Variants in PCDH10 observed in about 807,000 individuals in gnomAD.
The protein encoded by PCDH10 is protocadherin 10.
In PCDH10, 15 loss-of-function variants were observed where a neutral mutation model predicts 74.4. The observed-to-expected ratio is 0.20, with a 90% CI of 0.13 to 0.31. The LOEUF (loss-of-function observed/expected upper bound fraction) is 0.31, where lower values mean the gene tolerates loss of function less well. Among genes scored for constraint, PCDH10 ranks in the 10% least tolerant of loss-of-function variants. PCDH10 has a pLI of 1.00. For synonymous variants in PCDH10, 619 were observed against 589.8 expected, an observed-to-expected ratio of 1.05 and a Z score of -0.72; for missense variants, 1,260 against 1,390.2, an observed-to-expected ratio of 0.91 and a Z score of 1.49.
chr4:133,162,508 G>T (rs1323946886), intron 3 of PCDH10, among the ~76,000 whole-genome samples: 3 of 151,932 alleles, frequency 2.0e-5, no homozygotes, highest in African/African-American at 7.3e-5. Context: ...ATCATTTTTG[G>T]TGCTTGGCAT....
rs190905854 is a variant in PCDH10 at position 133,194,644 on chromosome 4, G to A, written c.*4484G>A. 5 of 151,906 alleles carry A rather than the reference G, an allele frequency of 3.3e-5. No homozygotes were observed. Among genetic ancestry groups the A allele is most frequent in the East Asian group, 3.9e-4 (2 of 5,172 alleles). The allele number at this position is 151,906 out of a possible 1,614,324, so 9.4% of individuals were successfully genotyped here. A position where few individuals can be genotyped will look rare whatever the true frequency, so the allele number is the denominator to read the frequency against. ...TTCCATGCATGGATCTTCCACTGAC[G>A]CCTGTGGGAGCTTTGAATAAAAATC... On this transcript the variant is annotated 3_prime_UTR_variant, in exon 5 of 5. Coordinates refer to ENST00000264360, the MANE Select transcript of PCDH10 (RefSeq NM_032961.3).
intron 2 of PCDH10, among the ~76,000 whole-genome samples, chr4:133,199,784 T>C (rs531468658): frequency 0.025 from 3,547 of 141,686 alleles, 147 homozygotes; most frequent in African/African-American, 0.082. Context: ...ATTATTATTA[T>C]TACTATTATT....
chr4:133,155,948 G>A (rs1247267688), intron 3 of PCDH10, among the ~76,000 whole-genome samples: 1 of 152,068 alleles, frequency 6.6e-6, no homozygotes, highest in East Asian at 1.9e-4. Context: ...TTTCTATCTA[G>A]TTTTGTGTTT....
chr4:133,171,723 T>C (rs1727207202), intron 4 of PCDH10, among the ~76,000 whole-genome samples: 1 of 152,164 alleles, frequency 6.6e-6, no homozygotes, highest in African/African-American at 2.4e-5. Context: ...AGACATTGTA[T>C]ACTTAGAAAA....
chr4:133,176,098 C>A (rs1481136262), intron 4 of PCDH10, among the ~76,000 whole-genome samples: 2 of 152,086 alleles, frequency 1.3e-5, no homozygotes, highest in Non-Finnish European at 2.9e-5. Context: ...TTTATTATAA[C>A]TTGTCATTTT....
chr4:133,165,952 C>G (rs1053983415), intron 4 of PCDH10, among the ~76,000 whole-genome samples: 1 of 151,650 alleles, frequency 6.6e-6, no homozygotes, highest in Non-Finnish European at 1.5e-5. Context: ...TATGCTTACA[C>G]TTACATTTCT....
chr4:133,151,795 A>G lies in PCDH10; in HGVS notation c.1655A>G (p.Gln552Arg). The G allele has an allele frequency of 1.2e-6, 2 of 1,613,106 alleles. No individual in the cohort carries two copies. Among genetic ancestry groups the G allele is most frequent in the Non-Finnish European group, 1.7e-6 (2 of 1,180,046 alleles). Residue 552 changes from glutamine to arginine, a missense_variant, in exon 1 of 5, where the codon CAG (glutamine) becomes CGG (arginine). By Grantham distance (43) the Gln-to-Arg change is conservative. Around this residue, in one of 11 missense-constraint regions of PCDH10, gnomAD observed 587 missense variants for 616.9 expected, o/e 0.95. Coordinates refer to ENST00000264360, the MANE Select transcript of PCDH10 (RefSeq NM_032961.3). ...QVEARDAGSP[Q>R]ALAGNATVNI... is the part of the protein sequence containing the mutation. Reference sequence around the variant, plus strand: ...GAAGCCCGGGACGCTGGCAGCCCCCAGGCGCTGGCTGGTAACGCCACTGTC... The same window carrying G: ...GAAGCCCGGGACGCTGGCAGCCCCCGGGCGCTGGCTGGTAACGCCACTGTC...
At position 133,152,353 on chromosome 4, in the gene PCDH10, T is replaced by C. The variant is rs767385531; in HGVS notation, c.2213T>C (p.Val738Ala). ...IFLLAMIVLA[V>A]RCQKEKKLNI... ...CTGCTGGCCATGATCGTGCTGGCCGTGCGTTGCCAAAAAGAGAAGAAGCTC... is the reference window on the plus strand; with the variant it reads ...CTGCTGGCCATGATCGTGCTGGCCGCGCGTTGCCAAAAAGAGAAGAAGCTC... The change falls in exon 1 of 5, where the codon GTG (valine) becomes GCG (alanine). Residue 738 changes from valine to alanine, a missense_variant. Coordinates refer to ENST00000264360, the MANE Select transcript of PCDH10 (RefSeq NM_032961.3). 1 of 1,614,214 alleles carries C rather than the reference T, an allele frequency of 6.2e-7. No individual in the cohort carries two copies. Among genetic ancestry groups the C allele is most frequent in the South Asian group, 1.1e-5 (1 of 91,090 alleles).
chr4:133,157,284 T>C (rs972708225), intron 3 of PCDH10, among the ~76,000 whole-genome samples: 1 of 152,190 alleles, frequency 6.6e-6, no homozygotes, highest in African/African-American at 2.4e-5. Flanking sequence ...TTTTCTTTTT[T>C]AAGTATAAAA....
intron 3 of PCDH10, among the ~76,000 whole-genome samples, chr4:133,158,895 T>C (rs1726913732): frequency 6.6e-6 from 1 of 152,052 alleles, no homozygotes; most frequent in Non-Finnish European, 1.5e-5. Flanking sequence ...GAGGAAATGG[T>C]GAAAAATATA....
Position 133,193,504 on chromosome 4 carries a change from A to G in PCDH10, c.*3344A>G, listed in dbSNP as rs1186705760. On this transcript the variant is annotated 3_prime_UTR_variant, in exon 5 of 5. Coordinates refer to ENST00000264360, the MANE Select transcript of PCDH10 (RefSeq NM_032961.3). ...TAAGAGGAGGAAAAAGAATCTCACA[A>G]TTCCCAATATAATCTTTAACAACTG... 1.3e-5 allele frequency: 2 copies of G among 151,672 alleles called. No individual in the cohort carries two copies. The highest frequency in any genetic ancestry group is 4.8e-5 in the African/African-American group (2 of 41,426). 9.4% of individuals were successfully genotyped at this position (151,672 alleles called of 1,614,324 possible).
intron 4 of PCDH10, among the ~76,000 whole-genome samples, chr4:133,169,032 A>AT (rs1256279026): frequency 2.6e-5 from 4 of 151,620 alleles, no homozygotes; most frequent in African/African-American, 4.8e-5. Flanking sequence ...GAGATGTTAA[A>AT]TTTCTTTTGA....
chr4:133,183,158 CTTCA>C (rs937992772), intron 4 of PCDH10, among the ~76,000 whole-genome samples: 6 of 152,106 alleles, frequency 3.9e-5, no homozygotes, highest in South Asian at 2.1e-4. Flanking sequence ...TGAAAGCACT[CTTCA>C]TTCATATAAT....
In PCDH10 at chr4:133,161,477, C is replaced by T. The variant is rs116834232; in HGVS notation, c.2798-1500C>T. On this transcript the variant is annotated intron_variant, in intron 3 of 4. Transcript: ENST00000264360. The stretch of plus-strand genomic sequence containing the variant: ...TATTTTATTTTATATATGCAGATAA[C>T]ATATACACAAATATATATAAATCAA... 4.0e-3 allele frequency among the ~76,000 whole-genome samples: 612 copies of T among 151,812 alleles called. 3 individuals are homozygous for T. The highest frequency in any genetic ancestry group is 0.014 in the African/African-American group (572 of 41,456).
chr4:133,154,743 C>A (rs975048779), intron 2 of PCDH10, 174 bp from the exon 3 acceptor site: 8 of 581,674 alleles, frequency 1.4e-5, no homozygotes, highest in African/African-American at 9.3e-5. Flanking sequence ...GACTGTTAAT[C>A]GATCATTTTT....
rs1422020518 is a variant in PCDH10 at position 133,191,300 on chromosome 4, G to A, written c.*1140G>A. 5.9e-5 allele frequency: 9 copies of A among 151,986 alleles called. No individual in the cohort carries two copies. The Admixed American group carries it at 5.9e-4, about 10-fold the overall frequency. 9.4% of individuals were successfully genotyped at this position (151,986 alleles called of 1,614,324 possible). A position where few individuals can be genotyped will look rare whatever the true frequency, so the allele number is the denominator to read the frequency against. On this transcript the variant is annotated 3_prime_UTR_variant, in exon 5 of 5. Transcript: ENST00000264360. The stretch of plus-strand genomic sequence containing the variant: ...ATAGTTTTGTGACTTAATTACACAT[G>A]AATATAAAATCTATAATTCTATATG...
intron 4 of PCDH10, among the ~76,000 whole-genome samples, chr4:133,169,463 T>C (rs1727158131): frequency 6.6e-6 from 1 of 151,848 alleles, no homozygotes; most frequent in Non-Finnish European, 1.5e-5. Context: ...ATCTCACGCA[T>C]ATTTAGGACT....
intron 2 of PCDH10, 84 bp from the exon 3 acceptor site, chr4:133,154,833 A>G: frequency 1.1e-6 from 1 of 948,454 alleles, no homozygotes; most frequent in Non-Finnish European, 1.7e-6. Context: ...CTGCAGCACC[A>G]TCTGTGACCA....
exon 3 of PCDH10, chr4:133,208,503 G>T (rs1361621104): frequency 6.6e-6 from 1 of 151,846 alleles, no homozygotes; most frequent in African/African-American, 2.4e-5. Context: ...TTCAGTTCTT[G>T]CTTACTCCTC....
Sources: gnomAD v4.1 joint callset for allele counts (sites outside exome capture counted in the v4.1 genomes callset) on GRCh38, gnomAD v4.1.1 for gene constraint, gnomAD v4.1.1 regional missense constraint, MANE v1.5 for transcripts, NCBI Gene and HGNC (gene_info 2026-07-23, HGNC 2026-07-21) for gene names.